MACO1: variants seen among roughly 807,000 people sequenced by gnomAD.
MACO1 encodes the protein macoilin.
A neutral mutation model predicts 78.7 loss-of-function variants in MACO1; 14 were observed. The observed-to-expected ratio is 0.18, with a 90% CI of 0.12 to 0.28. The LOEUF (loss-of-function observed/expected upper bound fraction) is 0.28. MACO1 is among the 10% of genes least tolerant of loss of function. The probability of loss-of-function intolerance (pLI) is 1.00; values close to 1 mark genes in which losing one functional copy is unlikely to be tolerated. For missense variants in MACO1, 501 were observed against 799.0 expected (o/e 0.63, Z 4.50); for synonymous variants, 288 against 291.6 (o/e 0.99, Z 0.12).
intron 3 of MACO1, among the ~76,000 whole-genome samples, chr1:25,453,448 G>A (rs1456385535): frequency 6.6e-6 from 1 of 151,052 alleles, no homozygotes; most frequent in Non-Finnish European, 1.5e-5. Flanking sequence ...CGGATCACGA[G>A]GTCAGCAGAT....
chr1:25,488,244 G>T (rs969084559), intron 8 of MACO1, among the ~76,000 whole-genome samples: 2 of 152,024 alleles, frequency 1.3e-5, no homozygotes, highest in African/African-American at 4.8e-5. Context: ...TAGAGACAGG[G>T]TCTCTCTGTG....
chr1:25,477,571 C>T (rs141594354), intron 6 of MACO1, among the ~76,000 whole-genome samples: 1 of 152,316 alleles, frequency 6.6e-6, no homozygotes, highest in Non-Finnish European at 1.5e-5. Context: ...ACCTGCAGCC[C>T]ACAGACATAT....
chr1:25,439,663 A>C (rs936298428), intron 1 of MACO1, among the ~76,000 whole-genome samples: 15 of 151,654 alleles, frequency 9.9e-5, no homozygotes, highest in African/African-American at 3.6e-4. Context: ...CTCACACACA[A>C]ATTTCTGTTT....
In MACO1 at chr1:25,448,935, G is replaced by T; in HGVS notation, c.349+1G>T. On this transcript the variant is annotated splice_donor_variant, in intron 3 of 10. Coordinates refer to ENST00000374343, the MANE Select transcript of MACO1 (RefSeq NM_018202.6). LOFTEE classifies it high-confidence loss of function. ...TGGGTTCAGTACGTATGGCACACAG[G>T]TAAGTCTTAATGATTTCTTAGATGG... The T allele has an allele frequency of 6.9e-7, 1 of 1,450,928 alleles. No individual in the cohort carries two copies. The highest frequency in any genetic ancestry group is 9.2e-7 in the Non-Finnish European group (1 of 1,082,672). 89.9% of individuals were successfully genotyped at this position (1,450,928 alleles called of 1,614,324 possible). A position where few individuals can be genotyped will look rare whatever the true frequency, so the allele number is the denominator to read the frequency against.
intron 10 of MACO1, among the ~76,000 whole-genome samples, chr1:25,493,513 G>A (rs1012889755): frequency 9.9e-5 from 15 of 151,868 alleles, no homozygotes; most frequent in Middle Eastern, 3.2e-3. Context: ...GCCTCCCAAA[G>A]TGTTGGGATT....
At chr1:25,497,380 CAA>C (rs66898111) in intron 10 of MACO1, among the ~76,000 whole-genome samples, 18 of 126,536 alleles carry the variant, frequency 1.4e-4, no homozygotes, top group Admixed American at 1.6e-4. Flanking sequence ...AACTCCATCT[CAA>C]AAAAAAAAAA....
In MACO1 at chr1:25,458,551, TAAC is replaced by T. The variant is rs1557664930; in HGVS notation, c.819_821del (p.Asn274del). On this transcript the variant is annotated inframe_deletion, in exon 6 of 11. Coordinates refer to ENST00000374343, the MANE Select transcript of MACO1 (RefSeq NM_018202.6). ...CCAAAAAACACAACCTTGGAATAAA[TAAC>T]AACAATATTCTACAACCTGTAGACT... The T allele has an allele frequency of 3.7e-6, 6 of 1,613,494 alleles. No homozygotes were observed. The highest frequency in any genetic ancestry group is 2.2e-5 in the East Asian group (1 of 44,858).
intron 6 of MACO1, among the ~76,000 whole-genome samples, chr1:25,480,967 T>C (rs1288567577): frequency 1.5e-5 from 2 of 133,064 alleles, no homozygotes; most frequent in Admixed American, 7.7e-5. Context: ...TATATATATA[T>C]ATATATATTT....
intron 1 of MACO1, among the ~76,000 whole-genome samples, chr1:25,439,409 C>T (rs78718846): frequency 1.9e-5 from 1 of 52,596 alleles, no homozygotes; most frequent in Non-Finnish European, 6.9e-5. Context: ...AAAAAATAAA[C>T]AAACAAAAAA....
At chr1:25,447,029 TCTAAA>T (rs1372832504) in intron 2 of MACO1, 126 bp downstream of exon 2, 1 of 1,172,834 alleles carries the variant, frequency 8.5e-7, no homozygotes, top group Non-Finnish European at 1.2e-6. Flanking sequence ...GAAATTGACC[TCTAAA>T]CTATTTTGTC....
At chr1:25,487,177 G>A (rs781463258) in intron 8 of MACO1, among the ~76,000 whole-genome samples, 23 of 151,876 alleles carry the variant, frequency 1.5e-4, no homozygotes, top group South Asian at 6.2e-4. Flanking sequence ...TTTTTGAGAC[G>A]GAGTCTAACT....
At chr1:25,436,897 G>A (rs1396659753) in intron 1 of MACO1, among the ~76,000 whole-genome samples, 1 of 152,106 alleles carries the variant, frequency 6.6e-6, no homozygotes, top group Non-Finnish European at 1.5e-5. Context: ...TTGAGTCATG[G>A]GATTGTGGCA....
intron 6 of MACO1, 74 bp downstream of exon 6, chr1:25,458,966 G>T: frequency 1.3e-6 from 2 of 1,502,404 alleles, no homozygotes; most frequent in Non-Finnish European, 8.9e-7. Context: ...TCCCATATGG[G>T]CCTGTAGGGA....
intron 6 of MACO1, among the ~76,000 whole-genome samples, chr1:25,462,200 G>C (rs1157200967): frequency 6.6e-6 from 1 of 152,138 alleles, no homozygotes; most frequent in Non-Finnish European, 1.5e-5. Flanking sequence ...TACATGCACT[G>C]TTTGCTTCTG....
intron 1 of MACO1, among the ~76,000 whole-genome samples, chr1:25,434,277 A>G (rs1302934320): frequency 6.6e-6 from 1 of 152,236 alleles, no homozygotes; most frequent in East Asian, 1.9e-4. Context: ...ACTAGGGGCT[A>G]AAGTTCGATG....
At chr1:25,447,195 A>G (rs1455313364) in intron 2 of MACO1, among the ~76,000 whole-genome samples, 1 of 148,354 alleles carries the variant, frequency 6.7e-6, no homozygotes, top group Non-Finnish European at 1.5e-5. Context: ...TCCCATTGCA[A>G]CCATAAAGGC....
intron 1 of MACO1, among the ~76,000 whole-genome samples, chr1:25,435,861 A>G (rs991915162): frequency 2.6e-5 from 4 of 152,260 alleles, no homozygotes; most frequent in Admixed American, 6.5e-5. Flanking sequence ...CACAAAATAC[A>G]CTTTAAAAAT....
intron 10 of MACO1, 41 bp downstream of exon 10, chr1:25,491,625 AATGCACAGGG>A (rs2043486805): frequency 5.1e-6 from 8 of 1,582,974 alleles, no homozygotes; most frequent in Non-Finnish European, 6.9e-6. Context: ...TGTGACTGAT[AATGCACAGGG>A]ATGCACAGGC....
Position 25,458,257 on chromosome 1 carries a change from G to A in MACO1, c.653-134G>A. On this transcript the variant is annotated intron_variant, in intron 5 of 10. Coordinates refer to ENST00000374343, the MANE Select transcript of MACO1 (RefSeq NM_018202.6). ...ACTATGAGGATTTGCTTCTTGATTA[G>A]CGTATAATGAGTGTGCAAACTAATG... The A allele has an allele frequency of 3.3e-6, 4 of 1,217,156 alleles. No individual in the cohort carries two copies. In the South Asian group the frequency reaches 5.9e-5, roughly 18 times the overall value. 75.4% of individuals were successfully genotyped at this position (1,217,156 alleles called of 1,614,324 possible).
Sources: allele counts gnomAD v4.1 joint callset (sites outside exome capture counted in the v4.1 genomes callset), GRCh38; gene constraint gnomAD v4.1.1; transcripts MANE v1.5; gene names NCBI Gene and HGNC (gene_info 2026-07-23, HGNC 2026-07-21).